ZNF827: variants seen among roughly 807,000 people sequenced by gnomAD.
ZNF827 encodes the protein zinc finger protein 827.
In ZNF827, 13 loss-of-function variants were observed where a neutral mutation model predicts 102.4. The observed-to-expected ratio is 0.13, with a 90% confidence interval of 0.08 to 0.20. The LOEUF is 0.20. Ranked by LOEUF, ZNF827 falls within the 10% of genes least tolerant of loss-of-function variation. The pLI is 1.00. For missense variants in ZNF827, 1,103 were observed against 1,344.4 expected (o/e 0.82, Z 2.81); for synonymous variants, 523 against 536.2 (o/e 0.98, Z 0.34).
intron 11 of ZNF827, among the ~76,000 whole-genome samples, chr4:145,766,709 T>C (rs2126878758): frequency 6.6e-6 from 1 of 152,212 alleles, no homozygotes; most frequent in Admixed American, 6.5e-5. Flanking sequence ...CTACCCATAG[T>C]TGGAGGGGGA....
chr4:145,937,651 C>A (rs1754305263), intron 1 of ZNF827, among the ~76,000 whole-genome samples: 1 of 145,712 alleles, frequency 6.9e-6, no homozygotes, highest in African/African-American at 2.5e-5. Context: ...GTGTGCGGTG[C>A]CCCTACACCC....
intron 8 of ZNF827, among the ~76,000 whole-genome samples, chr4:145,802,774 T>C (rs1741041660): frequency 1.3e-5 from 2 of 152,170 alleles, no homozygotes; most frequent in Admixed American, 1.3e-4. Flanking sequence ...ACTGCATCTC[T>C]ACCAAAAAAA....
At chr4:145,858,194 G>C (rs1747357507) in intron 5 of ZNF827, among the ~76,000 whole-genome samples, 1 of 151,364 alleles carries the variant, frequency 6.6e-6, no homozygotes, top group African/African-American at 2.4e-5. Flanking sequence ...TTCTAAACAG[G>C]ATTCCTGGCA....
In ZNF827 at chr4:145,765,379, C is replaced by T. The variant is rs532609719; in HGVS notation, c.3052+168G>A. The stretch of plus-strand genomic sequence containing the variant: ...CCTCCCCATCCTTCCACCCCATACT[C>T]GGATTCAAATTAAGCCAAAAGAAAT... On this transcript the variant is annotated intron_variant, in intron 12 of 14. Transcript: ENST00000508784. The surrounding 1 kb of genome is among the most constrained non-coding windows in gnomAD (Gnocchi z 4.7). 3.3e-5 allele frequency among the ~76,000 whole-genome samples: 5 copies of T among 152,280 alleles called. No individual in the cohort carries two copies. Among genetic ancestry groups the T allele is most frequent in the Admixed American group, 1.3e-4 (2 of 15,306 alleles).
chr4:145,896,237 C>G (rs1750961670), intron 2 of ZNF827, among the ~76,000 whole-genome samples: 2 of 152,170 alleles, frequency 1.3e-5, no homozygotes, highest in Non-Finnish European at 2.9e-5. Flanking sequence ...AGATGTAAAT[C>G]TAAACAACTA....
Position 145,834,225 on chromosome 4 carries a change from C to T in ZNF827, c.2280-10700G>A, listed in dbSNP as rs1457941287. Among the ~76,000 whole-genome samples, 3 of 151,822 alleles carry T rather than the reference C, an allele frequency of 2.0e-5. No homozygotes were observed. In the East Asian group the frequency reaches 5.8e-4, roughly 29 times the overall value. On this transcript the variant is annotated intron_variant, in intron 7 of 14. Transcript: ENST00000508784. ...TAATTCTTGTCGTAAAATAGGCAAA[C>T]GGTCTGAGGTGCCTGACATCCAGGC...
intron 1 of ZNF827, among the ~76,000 whole-genome samples, chr4:145,903,881 T>C (rs1751622446): frequency 6.6e-6 from 1 of 152,226 alleles, no homozygotes; most frequent in South Asian, 2.1e-4. Context: ...TAGCAAACAC[T>C]ACTCACATTT....
At chr4:145,775,655 G>T in intron 10 of ZNF827, 134 bp downstream of exon 10, 2 of 1,112,212 alleles carry the variant, frequency 1.8e-6, no homozygotes, top group East Asian at 2.4e-5. Flanking sequence ...TCTGAGCAAA[G>T]AAATTACTCA....
intron 8 of ZNF827, among the ~76,000 whole-genome samples, chr4:145,816,382 C>T (rs1742595695): frequency 6.6e-6 from 1 of 152,188 alleles, no homozygotes; most frequent in Non-Finnish European, 1.5e-5. Flanking sequence ...GGCATCTAAA[C>T]AGGATACACA....
At chr4:145,894,478 A>C (rs72956604) in intron 2 of ZNF827, among the ~76,000 whole-genome samples, 3,420 of 152,288 alleles carry the variant, frequency 0.022, 117 homozygotes, top group African/African-American at 0.078. Flanking sequence ...AAATAATCTC[A>C]TCATGTATTT....
chr4:145,885,778 C>A lies in ZNF827; in HGVS notation c.1647G>T (p.Lys549Asn), dbSNP rs149156691. ...CCACATACTCGGAGGGGTCTTTCAGCTTTGTGTGGTTGGCGGGCCTGTCGG... is the reference window on the plus strand; with the variant it reads ...CCACATACTCGGAGGGGTCTTTCAGATTTGTGTGGTTGGCGGGCCTGTCGG... ...NAADRPANHT[K>N]LKDPSEYVAN... The change falls in exon 4 of 15, where the codon AAG becomes AAT. Residue 549 changes from lysine to asparagine, a missense_variant. This residue lies in a region of ZNF827 where 157 missense variants were observed against 211.7 expected (regional missense o/e 0.74). Coordinates refer to ENST00000508784, the MANE Select transcript of ZNF827 (RefSeq NM_001306215.2). 28 of 1,611,038 alleles carry A rather than the reference C, an allele frequency of 1.7e-5. No individual in the cohort carries two copies. The highest frequency in any genetic ancestry group is 2.0e-5 in the Non-Finnish European group (23 of 1,178,502).
chr4:145,895,198 C>T (rs796776686), intron 2 of ZNF827, among the ~76,000 whole-genome samples: 5 of 152,216 alleles, frequency 3.3e-5, no homozygotes, highest in African/African-American at 1.2e-4. Context: ...CATAGGAAGG[C>T]AATAAAAGGG....
chr4:145,796,067 T>C (rs1740348227), intron 8 of ZNF827, among the ~76,000 whole-genome samples: 1 of 152,202 alleles, frequency 6.6e-6, no homozygotes, highest in South Asian at 2.1e-4. Context: ...GGTTTCACTG[T>C]CTACCCTACT....
At chr4:145,934,452 G>C (rs1051066184) in intron 1 of ZNF827, among the ~76,000 whole-genome samples, 4 of 152,184 alleles carry the variant, frequency 2.6e-5, no homozygotes. Flanking sequence ...CAGGTTAAAG[G>C]CTAACCCATC....
intron 7 of ZNF827, among the ~76,000 whole-genome samples, chr4:145,833,815 C>T (rs976722276): frequency 1.2e-4 from 18 of 151,678 alleles, no homozygotes; most frequent in East Asian, 1.9e-4. Context: ...TTCCATGCCC[C>T]GACCTCTTAT....
chr4:145,761,544 G>A lies in ZNF827; in HGVS notation c.*72C>T, dbSNP rs1734497616. 1 of 1,285,892 alleles carries A rather than the reference G, an allele frequency of 7.8e-7. No individual in the cohort carries two copies. The highest frequency in any genetic ancestry group is 1.2e-5 in the South Asian group (1 of 80,800). The allele number at this position is 1,285,892 out of a possible 1,614,324, so 79.7% of individuals were successfully genotyped here. Reference sequence around the variant, plus strand: ...TGTACTCCATCTTGTAGTGGGTCTTGAGGTGGCACTCCATGGCAGCGGGGC... The same window carrying A: ...TGTACTCCATCTTGTAGTGGGTCTTAAGGTGGCACTCCATGGCAGCGGGGC... On this transcript the variant is annotated 3_prime_UTR_variant, in exon 15 of 15. Transcript: ENST00000508784. The surrounding 1 kb of genome is among the most constrained non-coding windows in gnomAD (Gnocchi z 6.8).
At chr4:145,776,079 A>T in intron 9 of ZNF827, 119 bp from the exon 10 acceptor site, 1 of 1,157,672 alleles carries the variant, frequency 8.6e-7, no homozygotes, top group Non-Finnish European at 1.2e-6. Flanking sequence ...TTTCAGATGG[A>T]GACAATGGTA....
rs959239001 is a variant in ZNF827 at position 145,861,041 on chromosome 4, C to T, written c.1981+9204G>A. Among the ~76,000 whole-genome samples, 11 of 152,308 alleles carry T rather than the reference C, an allele frequency of 7.2e-5. No individual in the cohort carries two copies. In the East Asian group the frequency reaches 9.6e-4, roughly 13 times the overall value. ...TAGAGCCCTTGCCCAGTGGGTGACC[C>T]GGCCTCTTGGCAGCAGACAAGCTAC... On this transcript the variant is annotated intron_variant, in intron 5 of 14. Transcript: ENST00000508784.
intron 11 of ZNF827, among the ~76,000 whole-genome samples, chr4:145,766,519 G>A (rs1014398373): frequency 3.9e-5 from 6 of 152,206 alleles, no homozygotes; most frequent in Non-Finnish European, 8.8e-5. Context: ...GCAGAGAGAA[G>A]GAACCAGGTG....
Sources: gnomAD v4.1 joint callset for allele counts (sites outside exome capture counted in the v4.1 genomes callset) on GRCh38, gnomAD v4.1.1 for gene constraint, gnomAD v4.1.1 regional missense constraint, Gnocchi (gnomAD v3.1) non-coding constraint, MANE v1.5 for transcripts, NCBI Gene and HGNC (gene_info 2026-07-23, HGNC 2026-07-21) for gene names.